The following TOM1 variants were observed in gnomAD, a reference collection of about 807,000 sequenced individuals.
TOM1 encodes target of Myb protein 1.
A neutral mutation model predicts 61.3 loss-of-function variants in TOM1; 38 were observed. The observed-to-expected ratio is 0.62, with a 90% CI of 0.48 to 0.81. The LOEUF is 0.81. Among genes scored for constraint, TOM1 ranks in the 40% least tolerant of loss-of-function variants. The pLI is 0.00. For missense variants in TOM1, 591 were observed against 659.6 expected, an observed-to-expected ratio of 0.90 and a Z score of 1.14; for synonymous variants, 270 against 268.8, an observed-to-expected ratio of 1.00 and a Z score of -0.04.
chr22:35,325,950 C>T (rs1263221524), intron 6 of TOM1, among the ~76,000 whole-genome samples: 1 of 152,196 alleles, frequency 6.6e-6, no homozygotes, highest in African/African-American at 2.4e-5. Context: ...TTTCCACTCA[C>T]TCATACCAAG....
At chr22:35,321,906 G>A (rs1005335504) in intron 2 of TOM1, 53 bp from the exon 3 acceptor site, 2 of 1,472,102 alleles carry the variant, frequency 1.4e-6, no homozygotes, top group African/African-American at 2.8e-5. Context: ...GGTCTCTGGT[G>A]TTAGGTAAGG....
chr22:35,299,980 G>A lies in TOM1; in HGVS notation c.52G>A (p.Glu18Lys), dbSNP rs991630093. The change falls in exon 1 of 15, where the codon GAG becomes AAG. Residue 18 changes from glutamate (E) to lysine (K), a missense_variant and splice_region_variant. Coordinates refer to ENST00000449058, the MANE Select transcript of TOM1 (RefSeq NM_005488.3). ...PFSSPVGQRI[E>K]KATDGSLQSE... ...CAGCTCTCCAGTGGGACAGCGCATC[G>A]GTGAGTCCCTGGAGCCCCCCACAGC... The A allele has an allele frequency of 6.4e-7, 1 of 1,573,236 alleles. No individual in the cohort carries two copies. The highest frequency in any genetic ancestry group is 1.8e-5 in the Admixed American group (1 of 54,280).
At chr22:35,335,635 G>T (rs1452455040) in intron 11 of TOM1, 1 of 154,882 alleles carries the variant, frequency 6.5e-6, no homozygotes, top group Non-Finnish European at 1.5e-5. Context: ...CACCAGCCTG[G>T]CTGAGGTATG....
intron 7 of TOM1, among the ~76,000 whole-genome samples, chr22:35,327,840 C>G (rs1324012723): frequency 6.6e-6 from 1 of 152,108 alleles, no homozygotes; most frequent in African/African-American, 2.4e-5. Flanking sequence ...AGCCACTGAT[C>G]TTGGGGAGCC....
Position 35,323,017 on chromosome 22 carries a change from C to T in TOM1, c.217-11C>T, listed in dbSNP as rs181956635. The T allele has an allele frequency of 3.8e-5, 62 of 1,613,572 alleles. No homozygotes were observed. Among genetic ancestry groups the T allele is most frequent in the Middle Eastern group, 1.7e-4 (1 of 6,056 alleles). On this transcript the variant is annotated splice_polypyrimidine_tract_variant and intron_variant, in intron 3 of 14. Coordinates refer to ENST00000449058, the MANE Select transcript of TOM1 (RefSeq NM_005488.3). The surrounding 1 kb of genome is among the most constrained non-coding windows in gnomAD (Gnocchi z 4.2). ...GACCAAGGTGCTCGACGGCACCTCT[C>T]GGCCCTCCAGGTCTTAGAAACCTGT...
rs1445897624 is a variant in TOM1, at chr22:35,330,546, G to C, written c.899+66G>C. ...AACCCTCTCCCTTCCCTTCCTCCCT[G>C]TTCTCCTGGTCTCATGCCATCTGAG... On this transcript the variant is annotated intron_variant, in intron 8 of 14. Transcript: ENST00000449058. 5.4e-6 allele frequency: 8 copies of C among 1,477,520 alleles called. No homozygotes were observed. In the East Asian group the frequency reaches 2.0e-4, roughly 36 times the overall value. 91.5% of individuals were successfully genotyped at this position (1,477,520 alleles called of 1,614,324 possible). A position where few individuals can be genotyped will look rare whatever the true frequency, so the allele number is the denominator to read the frequency against.
chr22:35,338,418 T>C (rs914572466), intron 11 of TOM1, among the ~76,000 whole-genome samples: 1 of 152,168 alleles, frequency 6.6e-6, no homozygotes, highest in Non-Finnish European at 1.5e-5. Context: ...CTACGGGCAC[T>C]GGAGCTATTT....
chr22:35,327,460 C>A, intron 7 of TOM1, 73 bp downstream of exon 7: 1 of 1,058,710 alleles, frequency 9.4e-7, no homozygotes, highest in Non-Finnish European at 1.4e-6. Flanking sequence ...CTTTCCCAAT[C>A]CTCATGACAG....
chr22:35,342,190 C>T lies in TOM1; in HGVS notation c.1224+3402C>T, dbSNP rs754435263. Among the ~76,000 whole-genome samples, 7 of 152,190 alleles carry T rather than the reference C, an allele frequency of 4.6e-5. No individual in the cohort carries two copies. In the East Asian group the frequency reaches 5.8e-4, roughly 13 times the overall value. ...GCCAATTGTGCGCAGCCCAGGTTTG[C>T]GCCCTGGGATTCAGAGCAGGACTCA... is the stretch of plus-strand genomic sequence containing the variant. On this transcript the variant is annotated intron_variant, in intron 12 of 14. Transcript: ENST00000449058.
intron 1 of TOM1, among the ~76,000 whole-genome samples, chr22:35,309,417 G>A (rs1207530367): frequency 2.0e-5 from 3 of 152,172 alleles, no homozygotes; most frequent in South Asian, 2.1e-4. Flanking sequence ...GCCAAGACAG[G>A]CAGATCGCCT....
At chr22:35,317,137 TTTACA>T (rs1927364570) in intron 1 of TOM1, among the ~76,000 whole-genome samples, 1 of 152,148 alleles carries the variant, frequency 6.6e-6, no homozygotes, top group Admixed American at 6.5e-5. Flanking sequence ...CTTGAGAACT[TTTACA>T]TTTTGTATCC....
intron 1 of TOM1, among the ~76,000 whole-genome samples, chr22:35,307,810 T>C (rs1926461368): frequency 6.6e-6 from 1 of 152,212 alleles, no homozygotes; most frequent in Admixed American, 6.5e-5. Context: ...AGGGGTCTAC[T>C]GTTTGAACTT....
chr22:35,333,607 G>A, intron 10 of TOM1, 110 bp downstream of exon 10: 2 of 974,626 alleles, frequency 2.1e-6, no homozygotes, highest in South Asian at 1.4e-5. Flanking sequence ...TGTCAGTCTG[G>A]ACCCCACCTT....
At chr22:35,338,885 AGCACGT>A in intron 12 of TOM1, 97 bp downstream of exon 12, 1 of 1,170,896 alleles carries the variant, frequency 8.5e-7, no homozygotes, top group Admixed American at 3.1e-5. Context: ...GCACTGGCCC[AGCACGT>A]CCACAGGCCC....
At chr22:35,326,183 T>A (rs892354628) in intron 6 of TOM1, among the ~76,000 whole-genome samples, 1 of 152,234 alleles carries the variant, frequency 6.6e-6, no homozygotes, top group African/African-American at 2.4e-5. Context: ...CAATCATGAA[T>A]GTATATAGTG....
At chr22:35,346,474 C>CAGA in intron 13 of TOM1, among the ~76,000 whole-genome samples, 1 of 152,356 alleles carries the variant, frequency 6.6e-6, no homozygotes, top group East Asian at 1.9e-4. Context: ...TCACCCCCTC[C>CAGA]CTAGTTTGCA....
At chr22:35,333,522 G>C (rs754751420) in intron 10 of TOM1, 25 bp downstream of exon 10, 86 of 1,609,124 alleles carry the variant, frequency 5.3e-5, no homozygotes, top group Non-Finnish European at 7.1e-5. Context: ...GAGGGCTCCA[G>C]CTGAGGGTAC....
chr22:35,304,540 G>A (rs1433218949), intron 1 of TOM1, among the ~76,000 whole-genome samples: 2 of 152,034 alleles, frequency 1.3e-5, no homozygotes, highest in Non-Finnish European at 2.9e-5. Context: ...GTGCAGTGGC[G>A]CGATCTCGGC....
chr22:35,311,993 G>A (rs538967777), intron 1 of TOM1, among the ~76,000 whole-genome samples: 3 of 152,244 alleles, frequency 2.0e-5, no homozygotes, highest in South Asian at 2.1e-4. Flanking sequence ...GGTGGCTCAC[G>A]CCTGTAATCC....
Sources: allele counts gnomAD v4.1 joint callset (sites outside exome capture counted in the v4.1 genomes callset), GRCh38; gene constraint gnomAD v4.1.1; non-coding constraint Gnocchi (gnomAD v3.1); transcripts MANE v1.5; gene names NCBI Gene and HGNC (gene_info 2026-07-23, HGNC 2026-07-21).